SI: variants seen among roughly 807,000 people sequenced by gnomAD.
SI encodes sucrase-isomaltase.
SI carries 235 observed loss-of-function variants against 253.3 expected under a neutral mutation model. The observed-to-expected ratio is 0.93, with a 90% CI of 0.83 to 1.03. SI has a LOEUF of 1.03. Among genes scored for constraint, SI ranks in the 50% least tolerant of loss-of-function variants. The pLI, the probability that SI is intolerant of heterozygous loss-of-function variation, is 0.00. For synonymous variants in SI, 819 were observed against 712.0 expected (o/e 1.15, Z -2.39); for missense variants, 2,442 against 2,211.1 (o/e 1.10, Z -2.09).
chr3:165,025,673 G>A (rs527729157), intron 25 of SI, among the ~76,000 whole-genome samples: 4 of 151,378 alleles, frequency 2.6e-5, no homozygotes, highest in Admixed American at 2.0e-4. Context: ...AAGGGATTGG[G>A]GCGCTGTCTT....
chr3:165,031,332 G>A (rs1021471201), intron 24 of SI, among the ~76,000 whole-genome samples: 1 of 147,776 alleles, frequency 6.8e-6, no homozygotes, highest in African/African-American at 2.5e-5. Flanking sequence ...GGTATACACA[G>A]CAGAATTATG....
intron 12 of SI, among the ~76,000 whole-genome samples, chr3:165,057,776 T>C (rs1056947591): frequency 6.6e-6 from 1 of 151,338 alleles, no homozygotes; most frequent in African/African-American, 2.4e-5. Flanking sequence ...AAAAGAAATA[T>C]AGCCTTTCTC....
intron 2 of SI, among the ~76,000 whole-genome samples, chr3:165,075,454 T>G (rs577851430): frequency 1.8e-4 from 28 of 152,122 alleles, no homozygotes; most frequent in Admixed American, 7.9e-4. Context: ...TCTACCTGCC[T>G]TTCTCATACA....
intron 40 of SI, 87 bp from the exon 41 acceptor site, chr3:164,994,492 TA>T (rs1239365006): frequency 2.9e-6 from 4 of 1,356,090 alleles, no homozygotes; most frequent in Non-Finnish European, 4.2e-6. Context: ...AACTAAAAAG[TA>T]AGACATGATA....
chr3:165,068,600 C>T, intron 5 of SI, 122 bp downstream of exon 5: 1 of 754,486 alleles, frequency 1.3e-6, no homozygotes, highest in East Asian at 2.7e-5. Flanking sequence ...GTCTCCATCT[C>T]CTGACCTTGT....
At chr3:165,056,621 T>C (rs1713706129) in intron 12 of SI, among the ~76,000 whole-genome samples, 2 of 152,228 alleles carry the variant, frequency 1.3e-5, no homozygotes, top group Admixed American at 1.3e-4. Context: ...AGCAAAGTGA[T>C]TGTGGTCTTT....
chr3:165,073,555 T>C (rs977325289), intron 3 of SI, among the ~76,000 whole-genome samples: 1 of 152,092 alleles, frequency 6.6e-6, no homozygotes, highest in South Asian at 2.1e-4. Context: ...TTATAGTTTA[T>C]TCAGTTAATT....
At chr3:164,998,000 A>T (rs1718094271) in intron 38 of SI, among the ~76,000 whole-genome samples, 1 of 151,692 alleles carries the variant, frequency 6.6e-6, no homozygotes, top group African/African-American at 2.4e-5. Context: ...CTTCTTGTGC[A>T]TGTCTTTATG....
At chr3:165,079,717 T>C (rs1715221777), upstream of SI, among the ~76,000 whole-genome samples, 1 of 151,636 alleles carries the variant, frequency 6.6e-6, no homozygotes. Flanking sequence ...TCACAGGATA[T>C]AAGGTCAACA....
rs1283221179 is a variant in SI, at chr3:165,062,424, A to C, written c.967T>G (p.Phe323Val). The C allele has an allele frequency of 2.5e-6, 4 of 1,606,926 alleles. No individual in the cohort carries two copies. In the South Asian group the frequency reaches 3.3e-5, roughly 13 times the overall value. Residue 323 changes from phenylalanine (F) to valine (V), a missense_variant, in exon 9 of 48, where the codon TTT (phenylalanine) becomes GTT (valine). By Grantham distance (50) the Phe-to-Val change is conservative (BLOSUM62 -1). Coordinates refer to ENST00000264382, the MANE Select transcript of SI (RefSeq NM_001041.4). ...GGTGTATCTCCTAGAAGGATGTAAA[A>C]ATCCAGAATGCCACCGGTAACTCTA... Reference protein sequence around the residue: ...TYRVTGGILDFYILLGDTPEQ... With the variant: ...TYRVTGGILDVYILLGDTPEQ...
Position 164,992,343 on chromosome 3 carries a change from T to A in SI, c.4896A>T (p.Pro1632=). The change falls in exon 42 of 48, where the codon CCA becomes CCT. Residue 1632 remains proline, a synonymous_variant. Coordinates refer to ENST00000264382, the MANE Select transcript of SI (RefSeq NM_001041.4). ...CCAGTACTGGGGTAACCATAAATGC[T>A]GGACCCCATAAGAACTGCTTGAATA... ...WDIFKQFLWG[P]AFMVTPVLEP... 6.2e-7 allele frequency: 1 copy of A among 1,613,418 alleles called. No individual in the cohort carries two copies. The highest frequency in any genetic ancestry group is 8.5e-7 in the Non-Finnish European group (1 of 1,179,522).
chr3:165,012,890 A>G, intron 34 of SI, 90 bp downstream of exon 34: 1 of 852,092 alleles, frequency 1.2e-6, no homozygotes, highest in South Asian at 1.3e-5. Context: ...ATTTTTAAAG[A>G]AAAGCATTCA....
At chr3:165,024,020 T>G (rs1047796395) in intron 25 of SI, among the ~76,000 whole-genome samples, 1 of 151,464 alleles carries the variant, frequency 6.6e-6, no homozygotes, top group Non-Finnish European at 1.5e-5. Flanking sequence ...GGATCAAATG[T>G]CATACATTTT....
intron 40 of SI, 87 bp from the exon 41 acceptor site, chr3:164,994,492 T>C: frequency 1.5e-6 from 2 of 1,356,208 alleles, no homozygotes; most frequent in Non-Finnish European, 1.0e-6. Context: ...AACTAAAAAG[T>C]AAGACATGAT....
intron 22 of SI, 113 bp from the exon 23 acceptor site, chr3:165,033,557 T>C: frequency 9.9e-7 from 1 of 1,013,762 alleles, no homozygotes; most frequent in Non-Finnish European, 1.3e-6. Context: ...TGTTTATTAA[T>C]GAAGCATCCC....
intron 25 of SI, among the ~76,000 whole-genome samples, chr3:165,026,829 A>G (rs1336959153): frequency 6.6e-6 from 1 of 151,280 alleles, no homozygotes; most frequent in Non-Finnish European, 1.5e-5. Context: ...CGCAGTACTA[A>G]GAAGAAAGTT....
rs573626348 is a variant in SI, at chr3:165,023,914, C to A, written c.2893-138G>T. 90 of 693,832 alleles carry A rather than the reference C, an allele frequency of 1.3e-4. No homozygotes were observed. The East Asian group carries it at 2.3e-3, about 18-fold the overall frequency. The allele number at this position is 693,832 out of a possible 1,614,324, so 43.0% of individuals were successfully genotyped here. A position where few individuals can be genotyped will look rare whatever the true frequency, so the allele number is the denominator to read the frequency against. ...TACAAAAATGAAATAACAGTTATAA[C>A]ACAAAATATATTTTATGCAATTTGG... On this transcript the variant is annotated intron_variant, in intron 25 of 47. Transcript: ENST00000264382.
chr3:164,996,503 A>G, intron 40 of SI, 32 bp downstream of exon 40: 1 of 1,166,370 alleles, frequency 8.6e-7, no homozygotes, highest in Non-Finnish European at 1.3e-6. Flanking sequence ...CCAAGTAAGA[A>G]AATACTGAAA....
chr3:165,004,174 A>G (rs979637470), intron 37 of SI, among the ~76,000 whole-genome samples: 1 of 152,160 alleles, frequency 6.6e-6, no homozygotes, highest in African/African-American at 2.4e-5. Context: ...AAGACATACA[A>G]ATGGCAATCA....
Sources: gnomAD v4.1 joint callset for allele counts (sites outside exome capture counted in the v4.1 genomes callset) on GRCh38, gnomAD v4.1.1 for gene constraint, MANE v1.5 for transcripts, NCBI Gene and HGNC (gene_info 2026-07-23, HGNC 2026-07-21) for gene names.